Variants in ATXN7L1 observed in about 807,000 individuals in gnomAD.
ATXN7L1 encodes ataxin 7 like 1.
Under a neutral mutation model 70.8 loss-of-function variants are expected in ATXN7L1, and 15 were observed. The observed-to-expected ratio is 0.21, with a 90% CI of 0.14 to 0.33. ATXN7L1 has a LOEUF of 0.33. Ranked by LOEUF, ATXN7L1 falls within the 10% of genes least tolerant of loss-of-function variation. The pLI is 1.00. For synonymous variants in ATXN7L1, 440 were observed against 445.1 expected (o/e 0.99, Z 0.14); for missense variants, 975 against 1,097.1 (o/e 0.89, Z 1.57).
intron 3 of ATXN7L1, chr7:105,691,552 C>T (rs1371765815): frequency 1.3e-5 from 2 of 151,586 alleles, no homozygotes; most frequent in Non-Finnish European, 2.9e-5. Flanking sequence ...TAAACTAAAA[C>T]CACTTACAGA....
At chr7:105,853,447 C>T (rs897721381) in intron 2 of ATXN7L1, among the ~76,000 whole-genome samples, 4 of 151,728 alleles carry the variant, frequency 2.6e-5, no homozygotes, top group East Asian at 1.9e-4. Flanking sequence ...CCAGCTACTT[C>T]GGAGGCTGAG....
intron 3 of ATXN7L1, among the ~76,000 whole-genome samples, chr7:105,737,308 G>A (rs1797492422): frequency 6.6e-6 from 1 of 152,168 alleles, no homozygotes; most frequent in South Asian, 2.1e-4. Context: ...TTCCTCCATT[G>A]TAACAATATT....
intron 3 of ATXN7L1, among the ~76,000 whole-genome samples, chr7:105,754,531 G>A (rs1166123455): frequency 6.6e-6 from 1 of 152,190 alleles, no homozygotes; most frequent in Non-Finnish European, 1.5e-5. Flanking sequence ...GCCTTCCATA[G>A]CTCATCGCAG....
At chr7:105,836,876 G>C (rs997704773) in intron 2 of ATXN7L1, among the ~76,000 whole-genome samples, 1 of 152,142 alleles carries the variant, frequency 6.6e-6, no homozygotes, top group Non-Finnish European at 1.5e-5. Context: ...TGGCCAAAAT[G>C]GCAAAACCCC....
chr7:105,860,792 T>C (rs1338492464), intron 2 of ATXN7L1, among the ~76,000 whole-genome samples: 1 of 152,184 alleles, frequency 6.6e-6, no homozygotes, highest in African/African-American at 2.4e-5. Context: ...AGATGCTTAG[T>C]CGAACTATAA....
At chr7:105,608,903 C>A (rs1792914685) in intron 11 of ATXN7L1, among the ~76,000 whole-genome samples, 1 of 152,212 alleles carries the variant, frequency 6.6e-6, no homozygotes, top group Non-Finnish European at 1.5e-5. Context: ...TACACGCACA[C>A]CCACACATTT....
At chr7:105,843,612 C>A (rs1336107295) in intron 2 of ATXN7L1, among the ~76,000 whole-genome samples, 1 of 152,194 alleles carries the variant, frequency 6.6e-6, no homozygotes, top group Non-Finnish European at 1.5e-5. Flanking sequence ...TAGGCAAGCA[C>A]CTTTTGGAAA....
intron 3 of ATXN7L1, among the ~76,000 whole-genome samples, chr7:105,692,448 T>C (rs184503195): frequency 0.013 from 1,170 of 86,884 alleles, 8 homozygotes; most frequent in African/African-American, 0.017. Context: ...CTCCCTCCCT[T>C]CCTTCCTTCT....
chr7:105,816,117 G>C (rs1341338025), intron 2 of ATXN7L1, among the ~76,000 whole-genome samples: 3 of 152,108 alleles, frequency 2.0e-5, no homozygotes, highest in Non-Finnish European at 2.9e-5. Flanking sequence ...AGTGAGGGTG[G>C]GTGGTACAAG....
At chr7:105,674,351 C>A (rs1804273733) in intron 3 of ATXN7L1, among the ~76,000 whole-genome samples, 1 of 152,212 alleles carries the variant, frequency 6.6e-6, no homozygotes, top group African/African-American at 2.4e-5. Context: ...TTCTTGAGTA[C>A]CTACTATATA....
chr7:105,761,725 AG>A (rs1400103854), intron 3 of ATXN7L1, among the ~76,000 whole-genome samples: 1 of 152,168 alleles, frequency 6.6e-6, no homozygotes, highest in Non-Finnish European at 1.5e-5. Flanking sequence ...GGGTGGGGGC[AG>A]GAGTGCAAGA....
intron 2 of ATXN7L1, among the ~76,000 whole-genome samples, chr7:105,838,554 A>C (rs1037076991): frequency 1.3e-5 from 2 of 152,120 alleles, no homozygotes; most frequent in East Asian, 3.9e-4. Context: ...AATCGGTTAG[A>C]TTCTGTGAAA....
chr7:105,851,855 C>T (rs184209038), intron 2 of ATXN7L1, among the ~76,000 whole-genome samples: 1 of 152,320 alleles, frequency 6.6e-6, no homozygotes, highest in East Asian at 1.9e-4. Flanking sequence ...GAGAGCTTCA[C>T]AGGGCACAAG....
intron 3 of ATXN7L1, among the ~76,000 whole-genome samples, chr7:105,680,442 T>A (rs1186566996): frequency 6.6e-6 from 1 of 152,184 alleles, no homozygotes; most frequent in Non-Finnish European, 1.5e-5. Flanking sequence ...CTTCCCAGAA[T>A]TGAGGAGAAT....
At chr7:105,647,141 T>C (rs1799166161) in intron 4 of ATXN7L1, among the ~76,000 whole-genome samples, 1 of 152,210 alleles carries the variant, frequency 6.6e-6, no homozygotes, top group South Asian at 2.1e-4. Flanking sequence ...TGTATTAATA[T>C]TTCTTTGTGA....
At chr7:105,771,797 G>A (rs1168925995) in intron 3 of ATXN7L1, among the ~76,000 whole-genome samples, 1 of 152,116 alleles carries the variant, frequency 6.6e-6, no homozygotes, top group Non-Finnish European at 1.5e-5. Context: ...CTGTATGCAT[G>A]TTAAAAACGT....
chr7:105,800,553 C>T (rs1806658226), intron 2 of ATXN7L1, among the ~76,000 whole-genome samples: 1 of 152,188 alleles, frequency 6.6e-6, no homozygotes, highest in Admixed American at 6.5e-5. Context: ...CAGACTCAGA[C>T]ATTTATCAGT....
At chr7:105,628,911 C>G (rs1188609015) in intron 7 of ATXN7L1, among the ~76,000 whole-genome samples, 2 of 150,478 alleles carry the variant, frequency 1.3e-5, no homozygotes, top group Middle Eastern at 3.5e-3. Flanking sequence ...CACAAGTTAG[C>G]TAACATATGT....
chr7:105,627,539 T>A (rs1795888791), intron 7 of ATXN7L1, among the ~76,000 whole-genome samples: 1 of 150,650 alleles, frequency 6.6e-6, no homozygotes, highest in Admixed American at 6.6e-5. Flanking sequence ...CTAGGCCTTT[T>A]TTTTTTTTTT....
Sources: gnomAD v4.1 joint callset for allele counts (sites outside exome capture counted in the v4.1 genomes callset) on GRCh38, gnomAD v4.1.1 for gene constraint, MANE v1.5 for transcripts, NCBI Gene and HGNC (gene_info 2026-07-23, HGNC 2026-07-21) for gene names.